Variants in CDC34 observed in about 807,000 individuals in gnomAD.
The protein encoded by CDC34 is ubiquitin-conjugating enzyme E2 R1.
In CDC34, 18 loss-of-function variants were observed where a neutral mutation model predicts 26.8. The ratio of observed to expected loss-of-function variants is 0.67; its 90% CI spans 0.47 to 1.00. The LOEUF (loss-of-function observed/expected upper bound fraction) is 1.00. CDC34 is among the 50% of genes least tolerant of loss of function. The pLI is 0.00. For synonymous variants in CDC34, 178 were observed against 147.5 expected (o/e 1.21, Z -1.50); for missense variants, 280 against 334.5 (o/e 0.84, Z 1.27).
At chr19:541,196 A>G (rs1029656634) in intron 4 of CDC34, 143 bp from the exon 5 acceptor site, 6 of 1,086,574 alleles carry the variant, frequency 5.5e-6, no homozygotes, top group Non-Finnish European at 6.3e-6. Context: ...CCTCACGCAC[A>G]GGGCTTTGTC....
chr19:541,053 C>A (rs1979988492), intron 4 of CDC34, among the ~76,000 whole-genome samples: 1 of 152,238 alleles, frequency 6.6e-6, no homozygotes, highest in Admixed American at 6.5e-5. Context: ...TTTCTCCCAG[C>A]TCCTGATGGG....
chr19:538,683 A>G (rs1979875554), intron 4 of CDC34: 2 of 983,866 alleles, frequency 2.0e-6, no homozygotes, highest in South Asian at 4.7e-5. Context: ...CCCAGGACCC[A>G]GGAGCATCCA....
intron 4 of CDC34, among the ~76,000 whole-genome samples, chr19:539,446 C>T (rs1371684838): frequency 6.6e-6 from 1 of 152,208 alleles, no homozygotes; most frequent in Non-Finnish European, 1.5e-5. Context: ...CCCCCCAGCC[C>T]ATCGGAGAGC....
intron 1 of CDC34, 55 bp from the exon 2 acceptor site, chr19:535,782 T>C (rs995913267): frequency 1.4e-6 from 2 of 1,387,222 alleles, no homozygotes; most frequent in Non-Finnish European, 2.0e-6. Context: ...CCTTGTGAGC[T>C]GGGGCAGGTC....
chr19:539,118 T>C, intron 4 of CDC34: 1 of 710,194 alleles, frequency 1.4e-6, no homozygotes, highest in Middle Eastern at 7.0e-4. Flanking sequence ...TGTGTGCGTG[T>C]TGGCCTCGTG....
chr19:538,035 G>T (rs1194095587), intron 4 of CDC34, among the ~76,000 whole-genome samples: 2 of 152,128 alleles, frequency 1.3e-5, no homozygotes, highest in Non-Finnish European at 2.9e-5. Flanking sequence ...AAATGGGGTC[G>T]TGCTGTGTGT....
At chr19:535,100 C>G (rs1457968546) in intron 1 of CDC34, among the ~76,000 whole-genome samples, 1 of 152,258 alleles carries the variant, frequency 6.6e-6, no homozygotes, top group African/African-American at 2.4e-5. Flanking sequence ...ACGCCCCAGG[C>G]TGCAGGCCAG....
At chr19:536,992 T>G in intron 3 of CDC34, 21 bp from the exon 4 acceptor site, 1 of 1,613,080 alleles carries the variant, frequency 6.2e-7, no homozygotes, top group Middle Eastern at 1.7e-4. Context: ...GCCGCCCCAC[T>G]CCGACCCACT....
intron 1 of CDC34, among the ~76,000 whole-genome samples, chr19:534,041 C>T (rs940355684): frequency 2.0e-5 from 3 of 152,196 alleles, no homozygotes; most frequent in African/African-American, 7.2e-5. Flanking sequence ...TTTTCTGAGC[C>T]TGGGTTTGCT....
rs774925566 is a variant in CDC34, at chr19:541,415, G to A, written c.574G>A (p.Val192Met). 12 of 1,612,126 alleles carry A rather than the reference G, an allele frequency of 7.4e-6. No homozygotes were observed. Among genetic ancestry groups the A allele is most frequent in the African/African-American group, 2.7e-5 (2 of 74,918 alleles). Reference sequence around the variant, plus strand: ...GCCCACCACGCTGGCCGAGTACTGCGTGAAGACCAAGGCGCCGGCGCCCGA... The same window carrying A: ...GCCCACCACGCTGGCCGAGTACTGCATGAAGACCAAGGCGCCGGCGCCCGA... The part of the protein sequence containing the change: ...KVPTTLAEYC[V>M]KTKAPAPDEG... Residue 192 changes from valine (V) to methionine (M), a missense_variant, in exon 5 of 5, where the codon GTG (valine) becomes ATG (methionine). Coordinates refer to ENST00000215574, the MANE Select transcript of CDC34 (RefSeq NM_004359.2).
At chr19:532,997 G>T (rs1979567052) in intron 1 of CDC34, among the ~76,000 whole-genome samples, 1 of 152,170 alleles carries the variant, frequency 6.6e-6, no homozygotes, top group African/African-American at 2.4e-5. Context: ...CCCTCTGGCG[G>T]TTTAATTCCA....
intron 4 of CDC34, 147 bp from the exon 5 acceptor site, chr19:541,192 G>C (rs371714665): frequency 1.1e-5 from 11 of 1,045,642 alleles, no homozygotes; most frequent in South Asian, 3.6e-5. Flanking sequence ...AGTTCCTCAC[G>C]CACAGGGCTT....
intron 1 of CDC34, 75 bp from the exon 2 acceptor site, chr19:535,760 TGG>T (rs1979709033): frequency 4.5e-6 from 5 of 1,099,014 alleles, no homozygotes; most frequent in African/African-American, 1.5e-5. Context: ...GGGAGTGGGA[TGG>T]CCTTGGGCAC....
intron 4 of CDC34, among the ~76,000 whole-genome samples, chr19:538,523 C>T (rs932449112): frequency 6.2e-5 from 7 of 112,102 alleles, no homozygotes; most frequent in African/African-American, 1.6e-4. Context: ...TACATAGAGG[C>T]CCTTCCTATC....
At chr19:538,769 G>C in intron 4 of CDC34, 1 of 985,378 alleles carries the variant, frequency 1.0e-6, no homozygotes, top group Non-Finnish European at 1.2e-6. Flanking sequence ...GTGCTGGGCG[G>C]TCTCGGCTCT....
intron 1 of CDC34, 142 bp from the exon 2 acceptor site, chr19:535,695 C>G (rs985951758): frequency 2.8e-6 from 2 of 725,064 alleles, no homozygotes; most frequent in African/African-American, 3.5e-5. Context: ...CTGTGAGAGT[C>G]CCTGCCTTGG....
At chr19:538,524 C>T (rs1166705864) in intron 4 of CDC34, among the ~76,000 whole-genome samples, 1 of 112,554 alleles carries the variant, frequency 8.9e-6, no homozygotes, top group African/African-American at 2.6e-5. Context: ...ACATAGAGGC[C>T]CTTCCTATCC....
chr19:532,173 C>A, intron 1 of CDC34, 65 bp downstream of exon 1: 1 of 1,306,218 alleles, frequency 7.7e-7, no homozygotes, highest in Non-Finnish European at 1.0e-6. Context: ...CGGGAACCAG[C>A]TCCCTGCCCC....
rs1980032478 is a variant in CDC34, at chr19:541,806, C to T, written c.*254C>T. On this transcript the variant is annotated 3_prime_UTR_variant, in exon 5 of 5. Coordinates refer to ENST00000215574, the MANE Select transcript of CDC34 (RefSeq NM_004359.2). ...TGGGAGCGGCCGGCCCACCTGTCCCCTCGGGAGGGGAGCTGAGCCCGACTT... is the reference window on the plus strand; with the variant it reads ...TGGGAGCGGCCGGCCCACCTGTCCCTTCGGGAGGGGAGCTGAGCCCGACTT... 1 of 326,872 alleles carries T rather than the reference C, an allele frequency of 3.1e-6. No homozygotes were observed. Among genetic ancestry groups the T allele is most frequent in the African/African-American group, 2.1e-5 (1 of 47,030 alleles). The allele number at this position is 326,872 out of a possible 1,614,324, so 20.2% of individuals were successfully genotyped here.
Sources: gnomAD v4.1 joint callset for allele counts (sites outside exome capture counted in the v4.1 genomes callset) on GRCh38, gnomAD v4.1.1 for gene constraint, MANE v1.5 for transcripts, NCBI Gene and HGNC (gene_info 2026-07-23, HGNC 2026-07-21) for gene names.